Variants in CCSER1 observed in about 807,000 individuals in gnomAD.
CCSER1 encodes serine-rich coiled-coil domain-containing protein 1.
A neutral mutation model predicts 82.0 loss-of-function variants in CCSER1; 41 were observed. That is an observed-to-expected ratio of 0.50 (90% confidence interval 0.39 to 0.65). CCSER1 has a LOEUF of 0.65. Ranked by LOEUF, CCSER1 falls within the 30% of genes least tolerant of loss-of-function variation. The pLI is 0.00. For synonymous variants in CCSER1, 414 were observed against 383.9 expected (o/e 1.08, Z -0.92); for missense variants, 1,119 against 1,064.2 (o/e 1.05, Z -0.72).
chr4:90,479,420 G>A (rs937814386), intron 5 of CCSER1, among the ~76,000 whole-genome samples: 1 of 152,010 alleles, frequency 6.6e-6, no homozygotes, highest in Admixed American at 6.6e-5. Flanking sequence ...GGGTACATGT[G>A]CACAATGTGC....
chr4:91,597,556 C>T (rs1373480748), intron 10 of CCSER1, among the ~76,000 whole-genome samples: 2 of 152,030 alleles, frequency 1.3e-5, no homozygotes, highest in Non-Finnish European at 2.9e-5. Context: ...GAATGAGTTT[C>T]ACAGTTGAGA....
Position 91,474,702 on chromosome 4 carries a change from T to A in CCSER1, c.2218-123870T>A, listed in dbSNP as rs562845650. Among the ~76,000 whole-genome samples the A allele has an allele frequency of 2.0e-5, 3 of 149,948 alleles. No homozygotes were observed. In the Admixed American group the frequency reaches 2.0e-4, roughly 10 times the overall value. ...TCACAGCATCCTTTTCTTCTCTCAG[T>A]CTTCTTGTGGCTAAATTTAGGCACA... On this transcript the variant is annotated intron_variant, in intron 10 of 10. Coordinates refer to ENST00000509176, the MANE Select transcript of CCSER1 (RefSeq NM_001145065.2).
At chr4:91,186,461 A>G (rs565734002) in intron 10 of CCSER1, among the ~76,000 whole-genome samples, 1 of 152,132 alleles carries the variant, frequency 6.6e-6, no homozygotes, top group East Asian at 1.9e-4. Context: ...CATTCCAACC[A>G]TCGCTCCGGC....
At chr4:90,555,736 C>A (rs1004955927) in intron 5 of CCSER1, among the ~76,000 whole-genome samples, 3 of 151,888 alleles carry the variant, frequency 2.0e-5, no homozygotes, top group Admixed American at 2.0e-4. Flanking sequence ...CCTATTTACA[C>A]TTCATTTGAT....
At chr4:90,478,887 C>A (rs537802335) in intron 5 of CCSER1, among the ~76,000 whole-genome samples, 1 of 151,800 alleles carries the variant, frequency 6.6e-6, no homozygotes, top group Non-Finnish European at 1.5e-5. Context: ...ATTATAGGCA[C>A]GTGCCACCAC....
chr4:91,564,057 G>A (rs1346105475), intron 10 of CCSER1, among the ~76,000 whole-genome samples: 1 of 151,678 alleles, frequency 6.6e-6, no homozygotes, highest in African/African-American at 2.4e-5. Context: ...CCCATTAATA[G>A]ACCCCAGTGT....
chr4:91,532,420 T>C (rs756102156), intron 10 of CCSER1, among the ~76,000 whole-genome samples: 7 of 152,176 alleles, frequency 4.6e-5, no homozygotes, highest in Non-Finnish European at 8.8e-5. Flanking sequence ...CCAAACTTAA[T>C]TGATTATTAT....
chr4:90,894,792 G>T (rs529016039), intron 8 of CCSER1, among the ~76,000 whole-genome samples: 216 of 152,026 alleles, frequency 1.4e-3, no homozygotes, highest in African/African-American at 5.1e-3. Flanking sequence ...CTTTCCATGT[G>T]CTGGACACTG....
chr4:91,547,103 A>G (rs1323984026), intron 10 of CCSER1, among the ~76,000 whole-genome samples: 1 of 151,586 alleles, frequency 6.6e-6, no homozygotes, highest in Non-Finnish European at 1.5e-5. Context: ...GGGAGTAGAC[A>G]TTGCATGATT....
intron 9 of CCSER1, among the ~76,000 whole-genome samples, chr4:90,963,919 T>G (rs765117895): frequency 2.4e-4 from 37 of 152,346 alleles, no homozygotes; most frequent in Middle Eastern, 3.4e-3. Flanking sequence ...TTTATTTTCT[T>G]CTTCTCTTGC....
rs1764087790 is a variant in CCSER1 at position 91,588,032 on chromosome 4, AT to A, written c.2218-10538del. Among the ~76,000 whole-genome samples the A allele has an allele frequency of 4.0e-5, 6 of 151,644 alleles. No homozygotes were observed. In the South Asian group the frequency reaches 1.2e-3, roughly 31 times the overall value. The stretch of plus-strand genomic sequence containing the variant: ...GACAATAAAATGAAAATAATTGACA[AT>A]TATTTTAGATCTTTGCAATTGTAAG... On this transcript the variant is annotated intron_variant, in intron 10 of 10. Coordinates refer to ENST00000509176, the MANE Select transcript of CCSER1 (RefSeq NM_001145065.2).
chr4:90,393,793 T>TTC (rs1299873219), intron 3 of CCSER1, among the ~76,000 whole-genome samples: 1 of 145,840 alleles, frequency 6.9e-6, no homozygotes, highest in Non-Finnish European at 1.5e-5. Flanking sequence ...TTTTTTTTTT[T>TTC]TGGGACAGGA....
intron 3 of CCSER1, among the ~76,000 whole-genome samples, chr4:90,337,480 A>C (rs372787270): frequency 6.6e-6 from 1 of 152,210 alleles, no homozygotes; most frequent in Non-Finnish European, 1.5e-5. Flanking sequence ...AAAGTATAGC[A>C]CTTCAGCCAT....
intron 7 of CCSER1, chr4:90,780,502 G>C (rs1753624697): frequency 6.2e-7 from 1 of 1,611,990 alleles, no homozygotes. Flanking sequence ...TGGGGTTCAG[G>C]AGGCCTAGAT....
intron 5 of CCSER1, among the ~76,000 whole-genome samples, chr4:90,483,652 G>T (rs1251682351): frequency 2.0e-5 from 3 of 152,176 alleles, no homozygotes; most frequent in East Asian, 1.9e-4. Flanking sequence ...GGCTGGATAT[G>T]AAATTCTGAG....
chr4:91,318,904 T>G (rs1746005328), intron 10 of CCSER1: 1 of 154,412 alleles, frequency 6.5e-6, no homozygotes, highest in South Asian at 2.0e-4. Context: ...TGGTTTTTTG[T>G]TTTTGTTTTT....
chr4:90,619,416 G>C (rs994710689), intron 5 of CCSER1, among the ~76,000 whole-genome samples: 2 of 151,968 alleles, frequency 1.3e-5, no homozygotes, highest in African/African-American at 4.8e-5. Flanking sequence ...ATGATGAATT[G>C]CATGAAGGGC....
chr4:91,526,566 G>A (rs1760774556), intron 10 of CCSER1, among the ~76,000 whole-genome samples: 1 of 152,008 alleles, frequency 6.6e-6, no homozygotes, highest in African/African-American at 2.4e-5. Context: ...TCTGTTTGTT[G>A]GCAATAATAT....
intron 3 of CCSER1, among the ~76,000 whole-genome samples, chr4:90,345,510 A>T (rs186176051): frequency 5.5e-4 from 84 of 152,234 alleles, no homozygotes; most frequent in Admixed American, 5.4e-3. Context: ...CCAAAAGGTG[A>T]TAATTTTTTG....
Sources: allele counts gnomAD v4.1 joint callset (sites outside exome capture counted in the v4.1 genomes callset), GRCh38; gene constraint gnomAD v4.1.1; transcripts MANE v1.5; gene names NCBI Gene and HGNC (gene_info 2026-07-23, HGNC 2026-07-21).